Variants in ANKRD30B observed in about 807,000 individuals in gnomAD.
The protein encoded by ANKRD30B is ankyrin repeat domain-containing protein 30B.
ANKRD30B carries 144 observed loss-of-function variants against 202.2 expected under a neutral mutation model. The observed-to-expected ratio is 0.71, with a 90% confidence interval of 0.62 to 0.82. The LOEUF (loss-of-function observed/expected upper bound fraction) is 0.82, where lower values mean the gene tolerates loss of function less well. Ranked by LOEUF, ANKRD30B falls within the 40% of genes least tolerant of loss-of-function variation. ANKRD30B has a pLI of 0.00. For synonymous variants in ANKRD30B, 508 were observed against 561.3 expected, an observed-to-expected ratio of 0.91 and a Z score of 1.34; for missense variants, 1,487 against 1,669.1, an observed-to-expected ratio of 0.89 and a Z score of 1.90.
At chr18:14,789,311 T>C (rs1450885905) in intron 15 of ANKRD30B, among the ~76,000 whole-genome samples, 6 of 152,352 alleles carry the variant, frequency 3.9e-5, no homozygotes, top group Admixed American at 3.9e-4. Context: ...GAAGAGTAGG[T>C]TGCGAAAATG....
chr18:14,840,468 G>A (rs1273533738), intron 36 of ANKRD30B, 120 bp from the exon 37 acceptor site: 18 of 352,944 alleles, frequency 5.1e-5, no homozygotes, highest in Non-Finnish European at 8.5e-5. Context: ...GGTCTTTGGA[G>A]CCAGAGGTTG....
the ANKRD30B span, among the ~76,000 whole-genome samples, chr18:14,930,725 T>C: frequency 6.6e-6 from 1 of 152,056 alleles, no homozygotes; most frequent in East Asian, 1.9e-4. Context: ...CCCTATCCAC[T>C]AGGATGGCTC....
intron 11 of ANKRD30B, among the ~76,000 whole-genome samples, chr18:14,782,317 A>G (rs1373403546): frequency 1.3e-5 from 2 of 152,232 alleles, no homozygotes; most frequent in Non-Finnish European, 2.9e-5. Flanking sequence ...TAACCGAGTC[A>G]ATAGCTGCAT....
In ANKRD30B at chr18:14,782,598, A is replaced by G; in HGVS notation, c.1554A>G (p.Ile518Met). 1 of 1,575,698 alleles carries G rather than the reference A, an allele frequency of 6.3e-7. No individual in the cohort carries two copies. The highest frequency in any genetic ancestry group is 2.0e-5 in the Admixed American group (1 of 50,952). The change falls in exon 12 of 44, where the codon ATA becomes ATG. Residue 518 changes from isoleucine to methionine, a missense_variant. By Grantham distance (10) the Ile-to-Met change is conservative. Around this residue, in one of 6 missense-constraint regions of ANKRD30B, gnomAD observed 889 missense variants for 841.4 expected, o/e 1.06. Transcript: ENST00000690538. ...PESMYQKVMEINREVEELPEK... is the reference protein window; with the variant it reads ...PESMYQKVMEMNREVEELPEK... The stretch of plus-strand genomic sequence containing the variant: ...CTATGTATCAGAAAGTAATGGAGAT[A>G]AATAGAGAAGTAGAAGGTAAGAACA...
chr18:14,890,290 T>G, the ANKRD30B span, among the ~76,000 whole-genome samples: 1 of 152,128 alleles, frequency 6.6e-6, no homozygotes, highest in South Asian at 2.1e-4. Flanking sequence ...AAGTGCAAAC[T>G]GACGGTTTTT....
rs142808290 is a variant in ANKRD30B at position 14,840,067 on chromosome 18, A to T, written c.2989-521A>T. On this transcript the variant is annotated intron_variant, in intron 36 of 43. Transcript: ENST00000690538. ...GCTCAGTAACCTAGTCAATAGCCAC[A>T]TGAAAATAAAAGATAAGCTTGATCT... 2.9e-3 allele frequency among the ~76,000 whole-genome samples: 445 copies of T among 152,334 alleles called. 4 individuals are homozygous for T. Among genetic ancestry groups the T allele is most frequent in the African/African-American group, 9.9e-3 (411 of 41,586 alleles).
At chr18:14,826,727 A>ACACACACACACACACACAC (rs1472785630) in intron 32 of ANKRD30B, among the ~76,000 whole-genome samples, 2 of 148,508 alleles carry the variant, frequency 1.3e-5, no homozygotes, top group East Asian at 2.0e-4. Context: ...ACACACACAC[A>ACACACACACACACACACAC]AGTACAGTAA....
chr18:14,923,280 C>A, the ANKRD30B span, among the ~76,000 whole-genome samples: 4 of 152,094 alleles, frequency 2.6e-5, no homozygotes, highest in Admixed American at 2.6e-4. Context: ...AGCTCACTGC[C>A]CTGAAGGGTG....
At chr18:14,870,197 T>G in the ANKRD30B span, among the ~76,000 whole-genome samples, 1 of 152,196 alleles carries the variant, frequency 6.6e-6, no homozygotes, top group Admixed American at 6.5e-5. Flanking sequence ...GGTGTAGTCA[T>G]AGCTCACTGC....
rs1156930026 is a variant in ANKRD30B at position 14,754,952 on chromosome 18, G to A, written c.564G>A (p.Val188=). 1 of 1,556,436 alleles carries A rather than the reference G, an allele frequency of 6.4e-7. No individual in the cohort carries two copies. The highest frequency in any genetic ancestry group is 8.7e-7 in the Non-Finnish European group (1 of 1,149,968). The change falls in exon 4 of 44, where the codon GTG becomes GTA. Residue 188 remains valine (V), a synonymous_variant. Coordinates refer to ENST00000690538, the MANE Select transcript of ANKRD30B (RefSeq NM_001367607.2). ...LAIQKRSKQT[V]EFLLTKNANA... ...TACAGAAAAGAAGCAAGCAAACTGTGGAATTTTTACTAACAAAAAATGCAA... is the reference window on the plus strand; with the variant it reads ...TACAGAAAAGAAGCAAGCAAACTGTAGAATTTTTACTAACAAAAAATGCAA...
chr18:14,781,011 G>C (rs1352894082), intron 11 of ANKRD30B, among the ~76,000 whole-genome samples: 3 of 152,260 alleles, frequency 2.0e-5, no homozygotes, highest in African/African-American at 7.2e-5. Flanking sequence ...GGAAGTGTCT[G>C]ACCTCTTACA....
At chr18:14,908,054 T>C in the ANKRD30B span, among the ~76,000 whole-genome samples, 1 of 152,218 alleles carries the variant, frequency 6.6e-6, no homozygotes, top group Non-Finnish European at 1.5e-5. Flanking sequence ...TATACCATTT[T>C]GAGCATACAG....
chr18:14,757,936 G>T lies in ANKRD30B; in HGVS notation c.739G>T (p.Ala247Ser), dbSNP rs778339235. ...AATAACTGCAGAACGTTATGCTGCT[G>T]CTTGTGGAGTTAATTAGTAAGTGTT... The part of the protein sequence containing the change: ...HGITAERYAA[A>S]CGVNYIHQQL... Residue 247 changes from alanine (A) to serine (S), a missense_variant, in exon 5 of 44, where the codon GCT becomes TCT. By Grantham distance (99) the Ala-to-Ser change is moderately conservative. Transcript: ENST00000690538. 29 of 1,598,902 alleles carry T rather than the reference G, an allele frequency of 1.8e-5. No individual in the cohort carries two copies. The highest frequency in any genetic ancestry group is 1.6e-5 in the Non-Finnish European group (19 of 1,172,066).
At position 14,748,263 on chromosome 18, in the gene ANKRD30B, T is replaced by G. The variant is rs1259216815; in HGVS notation, c.-157T>G. 3.5e-6 allele frequency: 2 copies of G among 573,236 alleles called. No individual in the cohort carries two copies. Among genetic ancestry groups the G allele is most frequent in the Non-Finnish European group, 6.0e-6 (2 of 333,570 alleles). The allele number at this position is 573,236 out of a possible 1,614,324, so 35.5% of individuals were successfully genotyped here. A position where few individuals can be genotyped will look rare whatever the true frequency, so the allele number is the denominator to read the frequency against. ...TTCAAGAGCTTGGCGATACAGAAAT[T>G]TCTGCTGGTGTTGGGGCGGGTGCGG... On this transcript the variant is annotated 5_prime_UTR_variant, in exon 1 of 44. It adds an upstream start codon to the 5' untranslated region. Coordinates refer to ENST00000690538, the MANE Select transcript of ANKRD30B (RefSeq NM_001367607.2).
Position 14,820,102 on chromosome 18 carries a change from T to G in ANKRD30B, c.2642-2381T>G, listed in dbSNP as rs1284864164. On this transcript the variant is annotated intron_variant, in intron 30 of 43. Transcript: ENST00000690538. The stretch of plus-strand genomic sequence containing the variant: ...CATCCCTTGTAAGTTGGATTCCTAT[T>G]TATTTTATTCTCTTTGAAGCAATTG... Among the ~76,000 whole-genome samples, 13 of 152,230 alleles carry G rather than the reference T, an allele frequency of 8.5e-5. No individual in the cohort carries two copies. In the Middle Eastern group the frequency reaches 0.014, roughly 159 times the overall value.
the ANKRD30B span, among the ~76,000 whole-genome samples, chr18:14,904,438 A>G: frequency 6.6e-6 from 1 of 152,074 alleles, no homozygotes; most frequent in African/African-American, 2.4e-5. Context: ...TTTGTGAGTC[A>G]CTTTACCAGG....
chr18:14,882,240 A>G, the ANKRD30B span, among the ~76,000 whole-genome samples: 2 of 152,142 alleles, frequency 1.3e-5, no homozygotes, highest in East Asian at 3.9e-4. Context: ...TTTTGACATC[A>G]GTGTTTAGGG....
chr18:14,852,290 C>T lies in ANKRD30B; in HGVS notation c.4346C>T (p.Thr1449Ile). The change falls in exon 42 of 44, where the codon ACA (threonine) becomes ATA (isoleucine). Residue 1449 changes from threonine to isoleucine, a missense_variant. This residue lies in a region of ANKRD30B where 182 missense variants were observed against 216.0 expected (regional missense o/e 0.84). Coordinates refer to ENST00000690538, the MANE Select transcript of ANKRD30B (RefSeq NM_001367607.2). ...AAGAAAGTTAACAAAAGCAAGGTAA[C>T]AATTAATATTCAGTTTCCTGAGATG... ...AHKKVNKSKV[T>I]INIQFPEMKM... is the part of the protein sequence containing the mutation. 2 of 1,544,416 alleles carry T rather than the reference C, an allele frequency of 1.3e-6. No homozygotes were observed. The highest frequency in any genetic ancestry group is 2.4e-5 in the East Asian group (1 of 40,854).
chr18:14,756,407 A>C (rs1914371577), intron 4 of ANKRD30B, among the ~76,000 whole-genome samples: 1 of 152,050 alleles, frequency 6.6e-6, no homozygotes, highest in Non-Finnish European at 1.5e-5. Flanking sequence ...TCTTTAGTTT[A>C]ATTAGATCCC....
Sources: allele counts gnomAD v4.1 joint callset (sites outside exome capture counted in the v4.1 genomes callset), GRCh38; gene constraint gnomAD v4.1.1; regional missense constraint gnomAD v4.1.1; transcripts MANE v1.5; gene names NCBI Gene and HGNC (gene_info 2026-07-23, HGNC 2026-07-21).